Variants in PHACTR2 observed in about 807,000 individuals in gnomAD.
The protein encoded by PHACTR2 is phosphatase and actin regulator 2, also known as chromosome 6 open reading frame 56.
In PHACTR2, 30 loss-of-function variants were observed where a neutral mutation model predicts 76.0. The observed-to-expected ratio is 0.39, with a 90% confidence interval of 0.30 to 0.54. The LOEUF (loss-of-function observed/expected upper bound fraction) is 0.54, where lower values mean the gene tolerates loss of function less well. Ranked by LOEUF, PHACTR2 falls within the 20% of genes least tolerant of loss-of-function variation. PHACTR2 has a pLI of 0.61. For synonymous variants in PHACTR2, 292 were observed against 292.5 expected (o/e 1.00, Z 0.02); for missense variants, 696 against 781.1 (o/e 0.89, Z 1.30).
chr6:143,812,049 A>G (rs1776186475), intron 12 of PHACTR2, among the ~76,000 whole-genome samples: 1 of 152,062 alleles, frequency 6.6e-6, no homozygotes, highest in African/African-American at 2.4e-5. Context: ...TCAAAACCTC[A>G]ATCTGTGAAC....
Position 143,816,922 on chromosome 6 carries a change from C to T in PHACTR2, c.1923-6752C>T, listed in dbSNP as rs1268519002. Among the ~76,000 whole-genome samples, 1 of 151,882 alleles carries T rather than the reference C, an allele frequency of 6.6e-6. No homozygotes were observed. The highest frequency in any genetic ancestry group is 2.4e-5 in the African/African-American group (1 of 41,340). ...CTCTACAAAAAATACAAAAATTAGC[C>T]AAGTGTGGTGGCGAGTGCCTGTATT... On this transcript the variant is annotated intron_variant, in intron 12 of 12. Coordinates refer to ENST00000440869, the MANE Select transcript of PHACTR2 (RefSeq NM_001100164.2). This position sits in a 1 kb window ranked among gnomAD's most constrained non-coding sequence, Gnocchi z 4.5.
chr6:143,746,452 G>A (rs1424869100), intron 2 of PHACTR2, among the ~76,000 whole-genome samples: 1 of 152,208 alleles, frequency 6.6e-6, no homozygotes. Flanking sequence ...TGGTTTGCGA[G>A]AATGTGGCCC....
At position 143,795,257 on chromosome 6, in the gene PHACTR2, T is replaced by TA. The variant is rs1198151861; in HGVS notation, c.1845+6354dup. 6.6e-6 allele frequency among the ~76,000 whole-genome samples: 1 copy of TA among 151,834 alleles called. No homozygotes were observed. Among genetic ancestry groups the TA allele is most frequent in the Non-Finnish European group, 1.5e-5 (1 of 67,958 alleles). On this transcript the variant is annotated intron_variant, in intron 11 of 12. Coordinates refer to ENST00000440869, the MANE Select transcript of PHACTR2 (RefSeq NM_001100164.2). This position sits in a 1 kb window ranked among gnomAD's most constrained non-coding sequence, Gnocchi z 4.8. ...AGCAAGACCCTCTCTCTACAAAAAC[T>TA]AAAAAAATTAGCCAGGTGTGGTGGC...
At position 143,554,065 on chromosome 6, in the gene PHACTR2, T is replaced by C. The variant is rs1428499782; in HGVS notation, c.217+16858T>C. On this transcript the variant is annotated intron_variant, in intron 1 of 11. Transcript: ENST00000367584. The surrounding 1 kb of genome is among the most constrained non-coding windows in gnomAD (Gnocchi z 5.9). Reference sequence around the variant, plus strand: ...ACTGGGGATCCAGTGGCGGGGGCGCTGGGCAGAGGGGCATCATGTTTTTTG... The same window carrying C: ...ACTGGGGATCCAGTGGCGGGGGCGCCGGGCAGAGGGGCATCATGTTTTTTG... Among the ~76,000 whole-genome samples the C allele has an allele frequency of 2.6e-5, 4 of 152,086 alleles. No homozygotes were observed. Among genetic ancestry groups the C allele is most frequent in the African/African-American group, 9.7e-5 (4 of 41,418 alleles).
rs951036960 is a variant in PHACTR2, at chr6:143,803,884, A to C, written c.1846-3173A>C. 6.6e-6 allele frequency among the ~76,000 whole-genome samples: 1 copy of C among 152,224 alleles called. No homozygotes were observed. Among genetic ancestry groups the C allele is most frequent in the Non-Finnish European group, 1.5e-5 (1 of 68,032 alleles). ...TTTCATGACAAACTTATCCTGAGGT[A>C]AACAACTGCAGCCGTTAGTGTTGCC... On this transcript the variant is annotated intron_variant, in intron 11 of 12. Transcript: ENST00000440869. The surrounding 1 kb of genome is among the most constrained non-coding windows in gnomAD (Gnocchi z 4.7).
At chr6:143,778,541 G>C (rs1257309243) in intron 9 of PHACTR2, among the ~76,000 whole-genome samples, 1 of 151,516 alleles carries the variant, frequency 6.6e-6, no homozygotes, top group Non-Finnish European at 1.5e-5. Context: ...ATGTATAGAA[G>C]AGCCAATTTG....
chr6:143,719,001 G>A (rs1395141008), intron 2 of PHACTR2, among the ~76,000 whole-genome samples: 5 of 150,762 alleles, frequency 3.3e-5, no homozygotes, highest in Non-Finnish European at 5.9e-5. Flanking sequence ...TCCTGCCTCA[G>A]CCTCCTGAGT....
In PHACTR2 at chr6:143,541,031, T is replaced by G. The variant is rs78303877; in HGVS notation, c.217+3824T>G. 0.029 allele frequency among the ~76,000 whole-genome samples: 4,395 copies of G among 152,322 alleles called. 215 individuals are homozygous for G. Among genetic ancestry groups the G allele is most frequent in the African/African-American group, 0.1 (4,169 of 41,560 alleles). On this transcript the variant is annotated intron_variant, in intron 1 of 11. Transcript: ENST00000367584. The surrounding 1 kb of genome is among the most constrained non-coding windows in gnomAD (Gnocchi z 5.3). ...GCCTCAAACCCTGAGGCTCAAGGGA[T>G]CCTGCTGCCTCAGCCTCCTGAGTAG...
intron 1 of PHACTR2, among the ~76,000 whole-genome samples, chr6:143,649,847 A>G (rs929956466): frequency 6.6e-6 from 1 of 152,224 alleles, no homozygotes; most frequent in Non-Finnish European, 1.5e-5. Flanking sequence ...GGTCAGGGCA[A>G]TCAGGCAAGA....
chr6:143,788,899 C>T lies in PHACTR2; in HGVS notation c.1834C>T (p.Pro612Ser), dbSNP rs772508048. Residue 612 changes from proline to serine, a missense_variant, in exon 11 of 13, where the codon CCT becomes TCT. Transcript: ENST00000440869. ...RADKPWARLT[P>S]ADKAAIRKEL... ...AGACAAGCCCTGGGCCAGGTTAACA[C>T]CTGCAGACAAGGCAAGAATCCCAGT... The T allele has an allele frequency of 2.5e-6, 4 of 1,609,848 alleles. No homozygotes were observed. The highest frequency in any genetic ancestry group is 3.4e-6 in the Non-Finnish European group (4 of 1,176,648).
intron 1 of PHACTR2, among the ~76,000 whole-genome samples, chr6:143,706,471 C>T (rs1308227749): frequency 1.3e-5 from 2 of 152,196 alleles, no homozygotes; most frequent in Non-Finnish European, 1.5e-5. Context: ...GTCTCCAACT[C>T]TCATCAGGGC....
At chr6:143,797,645 C>T (rs1217299451) in intron 11 of PHACTR2, among the ~76,000 whole-genome samples, 2 of 152,158 alleles carry the variant, frequency 1.3e-5, no homozygotes, top group Non-Finnish European at 2.9e-5. Context: ...AGCCAGTTTT[C>T]CCAACACCGT....
chr6:143,573,302 T>C (rs1775469432), intron 1 of PHACTR2, among the ~76,000 whole-genome samples: 1 of 152,222 alleles, frequency 6.6e-6, no homozygotes, highest in Admixed American at 6.5e-5. Flanking sequence ...CATCAATGGC[T>C]GCGTGCTTGG....
upstream of PHACTR2, among the ~76,000 whole-genome samples, chr6:143,673,734 G>A (rs191219892): frequency 2.9e-3 from 439 of 152,040 alleles, 7 homozygotes; most frequent in African/African-American, 0.01. Flanking sequence ...CACCCCTTGA[G>A]GTCTTTATTT....
At chr6:143,716,523 G>C (rs1299662248) in intron 2 of PHACTR2, among the ~76,000 whole-genome samples, 7 of 152,208 alleles carry the variant, frequency 4.6e-5, no homozygotes, top group Admixed American at 3.9e-4. Context: ...ACTTTTAGTA[G>C]AGATGGGGTT....
At position 143,820,216 on chromosome 6, in the gene PHACTR2, T is replaced by C. The variant is rs543484335; in HGVS notation, c.1923-3458T>C. Among the ~76,000 whole-genome samples, 1 of 152,342 alleles carries C rather than the reference T, an allele frequency of 6.6e-6. No homozygotes were observed. The highest frequency in any genetic ancestry group is 1.5e-5 in the Non-Finnish European group (1 of 68,034). The stretch of plus-strand genomic sequence containing the variant: ...AGGGACAAATATCCAAACTGTATCA[T>C]TTTGACCCTGGCTGCTCCCAAATCT... On this transcript the variant is annotated intron_variant, in intron 12 of 12. Coordinates refer to ENST00000440869, the MANE Select transcript of PHACTR2 (RefSeq NM_001100164.2). This position sits in a 1 kb window ranked among gnomAD's most constrained non-coding sequence, Gnocchi z 4.2.
In PHACTR2 at chr6:143,550,145, T is replaced by C. The variant is rs1055035209; in HGVS notation, c.217+12938T>C. On this transcript the variant is annotated intron_variant, in intron 1 of 11. Transcript: ENST00000367584. The surrounding 1 kb of genome is among the most constrained non-coding windows in gnomAD (Gnocchi z 4.8). ...TAGATGACAGAGTCGTATTATCTAA[T>C]GTAGCATTTCTCATATCTAATGTAG... Among the ~76,000 whole-genome samples the C allele has an allele frequency of 4.6e-5, 7 of 152,080 alleles. No individual in the cohort carries two copies. The highest frequency in any genetic ancestry group is 1.7e-4 in the African/African-American group (7 of 41,448).
chr6:143,575,225 T>C (rs2128432207), intron 1 of PHACTR2, among the ~76,000 whole-genome samples: 1 of 152,394 alleles, frequency 6.6e-6, no homozygotes, highest in African/African-American at 2.4e-5. Context: ...AACATCATGA[T>C]TTCTATCCGT....
chr6:143,769,575 AC>A (rs1775042230), intron 6 of PHACTR2, among the ~76,000 whole-genome samples: 1 of 152,150 alleles, frequency 6.6e-6, no homozygotes. Flanking sequence ...GATTCCATGA[AC>A]TATAAGTTAT....
Sources: gnomAD v4.1 joint callset for allele counts (sites outside exome capture counted in the v4.1 genomes callset) on GRCh38, gnomAD v4.1.1 for gene constraint, Gnocchi (gnomAD v3.1) non-coding constraint, MANE v1.5 for transcripts, NCBI Gene and HGNC (gene_info 2026-07-23, HGNC 2026-07-21) for gene names.